The following TLCD4 variants were observed in gnomAD, a reference collection of about 807,000 sequenced individuals.
TLCD4 encodes TLC domain containing 4, also known as TLC domain-containing protein 4.
Under a neutral mutation model 24.2 loss-of-function variants are expected in TLCD4, and 7 were observed. That is an observed-to-expected ratio of 0.29 (90% CI 0.16 to 0.54). The LOEUF is 0.54. TLCD4 is among the 20% of genes least tolerant of loss of function. TLCD4 has a pLI of 0.95. For missense variants in TLCD4, 259 were observed against 313.9 expected (o/e 0.82, Z 1.32); for synonymous variants, 103 against 106.4 (o/e 0.97, Z 0.20).
chr1:95,099,957 C>CA, the TLCD4 span, among the ~76,000 whole-genome samples: 1 of 150,108 alleles, frequency 6.7e-6, no homozygotes, highest in Non-Finnish European at 1.5e-5. Flanking sequence ...CTTGGTGAAA[C>CA]CCCCCCTCTA....
chr1:95,162,482 G>A (rs1462594306), intron 5 of TLCD4, among the ~76,000 whole-genome samples: 3 of 151,914 alleles, frequency 2.0e-5, no homozygotes, highest in Non-Finnish European at 2.9e-5. Context: ...CTTTTAATTG[G>A]CTCATTTAGC....
chr1:95,097,643 A>G, the TLCD4 span, among the ~76,000 whole-genome samples: 1 of 152,236 alleles, frequency 6.6e-6, no homozygotes, highest in Admixed American at 6.5e-5. Context: ...TGTAAATGAG[A>G]GAGGACACCA....
chr1:95,151,657 C>T (rs2100948324), intron 5 of TLCD4, among the ~76,000 whole-genome samples: 1 of 152,140 alleles, frequency 6.6e-6, no homozygotes, highest in African/African-American at 2.4e-5. Flanking sequence ...AGACAAATGA[C>T]CCTAATTCTT....
At chr1:95,187,002 T>C (rs984188335) in intron 6 of TLCD4, among the ~76,000 whole-genome samples, 8 of 152,228 alleles carry the variant, frequency 5.3e-5, no homozygotes, top group African/African-American at 1.2e-4. Context: ...GATACACAGA[T>C]ATGTTTTACT....
chr1:95,192,025 G>T lies in TLCD4; in HGVS notation c.*157G>T, dbSNP rs1010069200. 2.1e-6 allele frequency: 3 copies of T among 1,427,366 alleles called. No homozygotes were observed. The African/African-American group carries it at 4.3e-5, about 21-fold the overall frequency. The allele number at this position is 1,427,366 out of a possible 1,614,324, so 88.4% of individuals were successfully genotyped here. On this transcript the variant is annotated 3_prime_UTR_variant, in exon 7 of 7. Coordinates refer to ENST00000370203, the MANE Select transcript of TLCD4 (RefSeq NM_152487.3). Reference sequence around the variant, plus strand: ...CCTTAGAAAAGAGAAGGCCGGGCACGGTGGCTCATGCCTGTAATCCCAGCA... The same window carrying T: ...CCTTAGAAAAGAGAAGGCCGGGCACTGTGGCTCATGCCTGTAATCCCAGCA...
At chr1:95,180,532 A>G (rs902014781) in intron 6 of TLCD4, among the ~76,000 whole-genome samples, 2 of 152,180 alleles carry the variant, frequency 1.3e-5, no homozygotes, top group East Asian at 3.9e-4. Flanking sequence ...AGCTTTGTAT[A>G]TAAGAAGGCA....
the TLCD4 span, among the ~76,000 whole-genome samples, chr1:95,110,027 A>G: frequency 6.8e-6 from 1 of 146,886 alleles, no homozygotes; most frequent in South Asian, 2.1e-4. Context: ...TTTATTGTTT[A>G]TATATTTTTT....
At chr1:95,144,303 C>G (rs1228402588) in intron 2 of TLCD4, among the ~76,000 whole-genome samples, 1 of 152,126 alleles carries the variant, frequency 6.6e-6, no homozygotes, top group African/African-American at 2.4e-5. Context: ...GAAGTAGACT[C>G]CAGCTGACTG....
intron 5 of TLCD4, among the ~76,000 whole-genome samples, chr1:95,153,950 T>C (rs1677560460): frequency 6.6e-6 from 1 of 152,150 alleles, no homozygotes; most frequent in African/African-American, 2.4e-5. Context: ...GGGAGACTTC[T>C]ATTTTATGGA....
chr1:95,154,289 C>G (rs1373747962), intron 5 of TLCD4, among the ~76,000 whole-genome samples: 3 of 152,176 alleles, frequency 2.0e-5, no homozygotes, highest in African/African-American at 7.2e-5. Flanking sequence ...CCAATCCATT[C>G]ACTTCCTTGG....
chr1:95,173,925 T>G (rs910656114), intron 6 of TLCD4, 36 bp downstream of exon 6: 5 of 1,612,510 alleles, frequency 3.1e-6, no homozygotes, highest in African/African-American at 1.3e-5. Context: ...TTTAAAGTCA[T>G]GCTGTTTATT....
intron 1 of TLCD4, among the ~76,000 whole-genome samples, chr1:95,130,927 C>T (rs967534276): frequency 7.2e-5 from 11 of 152,084 alleles, no homozygotes; most frequent in South Asian, 2.1e-4. Flanking sequence ...TACTTTCATG[C>T]GGTAATACTA....
rs1679070999 is a variant in TLCD4 at position 95,192,837 on chromosome 1, A to G, written c.*969A>G. On this transcript the variant is annotated 3_prime_UTR_variant, in exon 7 of 7. Coordinates refer to ENST00000370203, the MANE Select transcript of TLCD4 (RefSeq NM_152487.3). ...TTCTATTTTAGCATTTTATCAAATT[A>G]TTGCTTTTTTATTTTATAATAAGGC... 1 of 152,148 alleles carries G rather than the reference A, an allele frequency of 6.6e-6. No individual in the cohort carries two copies. The highest frequency in any genetic ancestry group is 2.4e-5 in the African/African-American group (1 of 41,450). The allele number at this position is 152,148 out of a possible 1,614,324, so 9.4% of individuals were successfully genotyped here. A position where few individuals can be genotyped will look rare whatever the true frequency, so the allele number is the denominator to read the frequency against.
At chr1:95,173,966 C>A in intron 6 of TLCD4, 77 bp downstream of exon 6, 1 of 1,570,786 alleles carries the variant, frequency 6.4e-7, no homozygotes, top group Non-Finnish European at 8.7e-7. Flanking sequence ...TTCCCGTGAT[C>A]CTCAAGTTAC....
the TLCD4 span, among the ~76,000 whole-genome samples, chr1:95,098,249 A>G: frequency 4.4e-3 from 668 of 152,284 alleles, 6 homozygotes; most frequent in African/African-American, 0.015. Flanking sequence ...TGATCTCAAT[A>G]ACACTAGTCC....
chr1:95,116,428 A>G (rs1352108238), upstream of TLCD4, among the ~76,000 whole-genome samples: 3 of 152,220 alleles, frequency 2.0e-5, no homozygotes, highest in Non-Finnish European at 1.5e-5. Context: ...GCGCATGTAT[A>G]TAGTAGATCA....
At chr1:95,115,985 G>A (rs1676422300), upstream of TLCD4, among the ~76,000 whole-genome samples, 1 of 152,144 alleles carries the variant, frequency 6.6e-6, no homozygotes, top group Non-Finnish European at 1.5e-5. Flanking sequence ...AAGTTGTCAG[G>A]TACTGCACAT....
At position 95,152,164 on chromosome 1, in the gene TLCD4, A is replaced by G. The variant is rs563789573; in HGVS notation, c.399+745A>G. On this transcript the variant is annotated intron_variant, in intron 5 of 6. Coordinates refer to ENST00000370203, the MANE Select transcript of TLCD4 (RefSeq NM_152487.3). ...TTTAAAGTGAATCTATTCATAGGGA[A>G]ACAAAATAGGAAAAGTTAGATGAAA... is the stretch of plus-strand genomic sequence containing the variant. Among the ~76,000 whole-genome samples the G allele has an allele frequency of 3.6e-4, 55 of 152,178 alleles. 2 individuals are homozygous for G. In the South Asian group the frequency reaches 0.011, roughly 31 times the overall value.
At chr1:95,128,934 C>G (rs1264835712) in intron 1 of TLCD4, among the ~76,000 whole-genome samples, 1 of 152,208 alleles carries the variant, frequency 6.6e-6, no homozygotes, top group Non-Finnish European at 1.5e-5. Flanking sequence ...TGTGACTCAA[C>G]TGTCAGATCG....
Sources: allele counts gnomAD v4.1 joint callset (sites outside exome capture counted in the v4.1 genomes callset), GRCh38; gene constraint gnomAD v4.1.1; transcripts MANE v1.5; gene names NCBI Gene and HGNC (gene_info 2026-07-23, HGNC 2026-07-21).